EML5: variants seen among roughly 807,000 people sequenced by gnomAD.
The protein encoded by EML5 is echinoderm microtubule-associated protein-like 5.
A neutral mutation model predicts 250.0 loss-of-function variants in EML5; 120 were observed. That is an observed-to-expected ratio of 0.48 (90% CI 0.41 to 0.56). EML5 has a LOEUF of 0.56. EML5 is among the 20% of genes least tolerant of loss of function. EML5 has a pLI of 0.00. For missense variants in EML5, 2,006 were observed against 2,437.6 expected (o/e 0.82, Z 3.73); for synonymous variants, 771 against 806.5 (o/e 0.96, Z 0.75).
At position 88,627,688 on chromosome 14, in the gene EML5, G is replaced by A. The variant is rs1258747455; in HGVS notation, c.4489C>T (p.Leu1497=). The part of the protein sequence containing the change: ...ATGKLLLSVG[L]DPEHTITIWR... Reference sequence around the variant, plus strand: ...ATGGTAATAGTATGTTCTGGGTCTAGTCCCACAGACAGCAATAGTTTGCCA... The same window carrying A: ...ATGGTAATAGTATGTTCTGGGTCTAATCCCACAGACAGCAATAGTTTGCCA... The change falls in exon 34 of 44, where the codon CTA becomes TTA. Residue 1497 remains leucine (L), a synonymous_variant. Coordinates refer to ENST00000554922, the MANE Select transcript of EML5 (RefSeq NM_183387.3). 1 of 1,613,316 alleles carries A rather than the reference G, an allele frequency of 6.2e-7. No individual in the cohort carries two copies. The highest frequency in any genetic ancestry group is 2.2e-5 in the East Asian group (1 of 44,838).
chr14:88,766,998 T>C (rs2094329202), intron 1 of EML5, among the ~76,000 whole-genome samples: 1 of 152,198 alleles, frequency 6.6e-6, no homozygotes, highest in Admixed American at 6.5e-5. Flanking sequence ...CTGACAACTG[T>C]TGTCTTTTCT....
intron 1 of EML5, among the ~76,000 whole-genome samples, chr14:88,757,790 C>A (rs779830067): frequency 7.3e-5 from 11 of 151,324 alleles, no homozygotes; most frequent in Non-Finnish European, 1.5e-4. Flanking sequence ...CTTTCTCTTT[C>A]TTTCCCTCTT....
intron 27 of EML5, among the ~76,000 whole-genome samples, chr14:88,652,194 C>A (rs752977045): frequency 3.7e-4 from 57 of 152,220 alleles, no homozygotes; most frequent in Middle Eastern, 3.4e-3. Flanking sequence ...CCTCTTTATA[C>A]ATAATGAAAA....
At chr14:88,643,241 T>G (rs1387251450) in intron 30 of EML5, among the ~76,000 whole-genome samples, 2 of 152,148 alleles carry the variant, frequency 1.3e-5, no homozygotes, top group Non-Finnish European at 2.9e-5. Context: ...TATATAAAGT[T>G]ATGAAAAGGA....
At chr14:88,629,560 A>G (rs973607829) in intron 33 of EML5, among the ~76,000 whole-genome samples, 6 of 152,188 alleles carry the variant, frequency 3.9e-5, no homozygotes, top group Non-Finnish European at 8.8e-5. Flanking sequence ...ATTTTCTCCT[A>G]TCATTTGGAA....
chr14:88,627,990 T>C (rs1482041224), intron 33 of EML5, 171 bp from the exon 34 acceptor site: 2 of 731,482 alleles, frequency 2.7e-6, no homozygotes, highest in Non-Finnish European at 4.7e-6. Flanking sequence ...GAAAAGGAGT[T>C]TTGGGGGTGG....
chr14:88,698,265 CTTTT>C (rs60164768), intron 14 of EML5, among the ~76,000 whole-genome samples: 3 of 119,944 alleles, frequency 2.5e-5, no homozygotes, highest in African/African-American at 3.3e-5. Flanking sequence ...CTCCAGTTTC[CTTTT>C]TTTTTTTTTT....
At chr14:88,718,122 A>C (rs2093530769) in intron 8 of EML5, among the ~76,000 whole-genome samples, 1 of 152,178 alleles carries the variant, frequency 6.6e-6, no homozygotes, top group African/African-American at 2.4e-5. Context: ...GGTGCCATTA[A>C]CTAGGATACG....
At chr14:88,757,533 C>T (rs2094177480) in intron 1 of EML5, among the ~76,000 whole-genome samples, 2 of 151,710 alleles carry the variant, frequency 1.3e-5, no homozygotes, top group African/African-American at 4.8e-5. Context: ...AGTAATGCAA[C>T]CCAGAGAATG....
At chr14:88,727,629 C>T (rs2093687710) in intron 7 of EML5, among the ~76,000 whole-genome samples, 6 of 152,138 alleles carry the variant, frequency 3.9e-5, no homozygotes, top group Admixed American at 3.9e-4. Flanking sequence ...AACTCCCAAC[C>T]TCTGGTGATC....
In EML5 at chr14:88,724,451, CTTTCAA is replaced by C. The variant is rs557899242; in HGVS notation, c.1187+2084_1187+2089del. ...AAGGCATTTAATAATCAGAATAACC[CTTTCAA>C]TACTATTAGCAATGTTGGATTCAGG... is the stretch of plus-strand genomic sequence containing the variant. On this transcript the variant is annotated intron_variant, in intron 8 of 43. Transcript: ENST00000554922. Among the ~76,000 whole-genome samples, 15 of 151,496 alleles carry C rather than the reference CTTTCAA, an allele frequency of 9.9e-5. No homozygotes were observed. The South Asian group carries it at 3.1e-3, about 31-fold the overall frequency.
intron 1 of EML5, among the ~76,000 whole-genome samples, chr14:88,777,935 A>G (rs1411123140): frequency 2.0e-5 from 3 of 152,240 alleles, no homozygotes; most frequent in Non-Finnish European, 4.4e-5. Context: ...AGACTGTGCC[A>G]CTCTACTCCT....
At chr14:88,783,005 A>G (rs1481739379) in intron 1 of EML5, among the ~76,000 whole-genome samples, 2 of 152,136 alleles carry the variant, frequency 1.3e-5, no homozygotes, top group African/African-American at 4.8e-5. Flanking sequence ...CTTGAACCCA[A>G]GAGCTGGAGG....
In EML5 at chr14:88,615,007, TA is replaced by T. The variant is rs771580111; in HGVS notation, c.*810del. On this transcript the variant is annotated 3_prime_UTR_variant, in exon 44 of 44. Coordinates refer to ENST00000554922, the MANE Select transcript of EML5 (RefSeq NM_183387.3). The stretch of plus-strand genomic sequence containing the variant: ...TAAATATGCAATTCTTTCTTCCAGT[TA>T]AATACTGTTGCTCCCTAAAACCCTT... The T allele has an allele frequency of 6.6e-6, 1 of 152,240 alleles. No individual in the cohort carries two copies. Among genetic ancestry groups the T allele is most frequent in the East Asian group, 1.9e-4 (1 of 5,204 alleles). 9.4% of individuals were successfully genotyped at this position (152,240 alleles called of 1,614,324 possible).
intron 8 of EML5, among the ~76,000 whole-genome samples, chr14:88,721,249 G>T (rs112271119): frequency 0.018 from 2,672 of 152,078 alleles, 76 homozygotes; most frequent in African/African-American, 0.059. Flanking sequence ...ATTCTTCAAA[G>T]AATTAGAAAA....
chr14:88,717,513 G>C (rs1215416055), intron 8 of EML5, among the ~76,000 whole-genome samples: 3 of 152,076 alleles, frequency 2.0e-5, no homozygotes, highest in African/African-American at 7.2e-5. Context: ...AATCCCAGCA[G>C]TTTGGGAGGC....
intron 19 of EML5, among the ~76,000 whole-genome samples, chr14:88,686,026 C>G (rs1486565624): frequency 6.6e-6 from 1 of 152,076 alleles, no homozygotes; most frequent in African/African-American, 2.4e-5. Context: ...CATACCCTTA[C>G]AGAGCATACA....
chr14:88,786,450 T>C (rs1353834462), intron 1 of EML5, among the ~76,000 whole-genome samples: 3 of 152,192 alleles, frequency 2.0e-5, no homozygotes, highest in East Asian at 1.9e-4. Context: ...AAATAATAGG[T>C]GTTCAGTAAA....
intron 13 of EML5, among the ~76,000 whole-genome samples, chr14:88,704,301 C>A (rs917350995): frequency 3.3e-5 from 5 of 152,164 alleles, no homozygotes; most frequent in Admixed American, 6.6e-5. Flanking sequence ...AACACACCTG[C>A]TCCCCCTTTG....
Sources: gnomAD v4.1 joint callset for allele counts (sites outside exome capture counted in the v4.1 genomes callset) on GRCh38, gnomAD v4.1.1 for gene constraint, MANE v1.5 for transcripts, NCBI Gene and HGNC (gene_info 2026-07-23, HGNC 2026-07-21) for gene names.